MMD2: variants seen among roughly 807,000 people sequenced by gnomAD.
MMD2 encodes the protein monocyte to macrophage differentiation associated 2.
In MMD2, 30 loss-of-function variants were observed where a neutral mutation model predicts 33.5. That is an observed-to-expected ratio of 0.90 (90% CI 0.67 to 1.22). The LOEUF (loss-of-function observed/expected upper bound fraction) is 1.22, where lower values mean the gene tolerates loss of function less well. MMD2 is among the 50% of genes most tolerant of loss of function. The probability of loss-of-function intolerance (pLI) is 0.00; values close to 1 mark genes in which losing one functional copy is unlikely to be tolerated. For synonymous variants in MMD2, 129 were observed against 123.0 expected, an observed-to-expected ratio of 1.05 and a Z score of -0.32; for missense variants, 364 against 325.4, an observed-to-expected ratio of 1.12 and a Z score of -0.91.
rs550649133 is a variant in MMD2, at chr7:4,939,197, G to A, written c.48-13665C>T. On this transcript the variant is annotated intron_variant, in intron 1 of 6. Transcript: ENST00000401401. The stretch of plus-strand genomic sequence containing the variant: ...AGCCTGGGTGACAGGGCGAGACTCC[G>A]TCTCAAAAAAAAACCCAAAAAAAAC... Among the ~76,000 whole-genome samples the A allele has an allele frequency of 6.0e-5, 9 of 150,942 alleles. No homozygotes were observed. The South Asian group carries it at 6.3e-4, about 11-fold the overall frequency.
At chr7:4,899,130 G>A in the MMD2 span, among the ~76,000 whole-genome samples, 6 of 152,142 alleles carry the variant, frequency 3.9e-5, no homozygotes, top group African/African-American at 1.4e-4. Flanking sequence ...AGGACACAAT[G>A]AGAAAACACC....
intron 1 of MMD2, among the ~76,000 whole-genome samples, chr7:4,957,880 A>T (rs1280878392): frequency 6.6e-6 from 1 of 152,160 alleles, no homozygotes; most frequent in Non-Finnish European, 1.5e-5. Flanking sequence ...ACACCATCCT[A>T]GCCCTGAGCT....
chr7:4,955,354 G>T (rs1032314310), intron 1 of MMD2, among the ~76,000 whole-genome samples: 2 of 152,148 alleles, frequency 1.3e-5, no homozygotes, highest in Non-Finnish European at 2.9e-5. Flanking sequence ...AACCTAGGGG[G>T]TTAGCTGGCC....
chr7:4,930,598 C>A, intron 1 of MMD2, among the ~76,000 whole-genome samples: 1 of 148,330 alleles, frequency 6.7e-6, no homozygotes, highest in Non-Finnish European at 1.5e-5. Context: ...GAGCCAAGAT[C>A]GTGCCACTGC....
rs180902883 is a variant in MMD2, at chr7:4,957,460, A to C, written c.47+1511T>G. 3.2e-4 allele frequency among the ~76,000 whole-genome samples: 18 copies of C among 56,996 alleles called. No homozygotes were observed. In the East Asian group the frequency reaches 0.29, roughly 905 times the overall value. 37.4% of individuals were successfully genotyped at this position (56,996 alleles called of 152,430 possible). On this transcript the variant is annotated intron_variant, in intron 1 of 6. Coordinates refer to ENST00000401401, the MANE Select transcript of MMD2 (RefSeq NM_198403.4). ...TCAAGAGATTGAGACCATCCTGGCT[A>C]ACGCGGTGAAACCCCAGTCTCTACT...
chr7:4,951,639 A>C (rs1336841219), intron 1 of MMD2, among the ~76,000 whole-genome samples: 1 of 152,090 alleles, frequency 6.6e-6, no homozygotes, highest in African/African-American at 2.4e-5. Flanking sequence ...TCCCTCTGTC[A>C]CCCAGGCTGG....
At position 4,916,027 on chromosome 7, in the gene MMD2, T is replaced by A. The variant is rs1356636782; in HGVS notation, c.343A>T (p.Ile115Leu). 1 of 1,613,760 alleles carries A rather than the reference T, an allele frequency of 6.2e-7. No individual in the cohort carries two copies. The highest frequency in any genetic ancestry group is 2.2e-5 in the East Asian group (1 of 44,874). The change falls in exon 4 of 7, where the codon ATA becomes TTA. Residue 115 changes from isoleucine (I) to leucine (L), a missense_variant. Physicochemically the swap from Ile to Leu is conservative, Grantham distance 5. Transcript: ENST00000401401. ...MFDRMVIYFF[I>L]AASYAPWLNL... ...CACCAGGGTGCGTAGGAAGCCGCTA[T>A]GAAGAAATAGATGACCATCCGGTCG...
chr7:4,927,304 A>C (rs1178184680), intron 1 of MMD2, among the ~76,000 whole-genome samples: 1 of 151,992 alleles, frequency 6.6e-6, no homozygotes, highest in African/African-American at 2.4e-5. Flanking sequence ...CAGCACTTTA[A>C]GAGGCCGAGG....
chr7:4,954,123 C>T (rs1477341881), intron 1 of MMD2, among the ~76,000 whole-genome samples: 1 of 152,148 alleles, frequency 6.6e-6, no homozygotes, highest in Non-Finnish European at 1.5e-5. Flanking sequence ...TCAGCCACTG[C>T]ACCCAGACAG....
chr7:4,899,309 A>C, the MMD2 span, among the ~76,000 whole-genome samples: 2 of 152,226 alleles, frequency 1.3e-5, no homozygotes, highest in Non-Finnish European at 2.9e-5. Flanking sequence ...AGGACAGGAT[A>C]GGATAGGATA....
the MMD2 span, among the ~76,000 whole-genome samples, chr7:4,894,896 T>C: frequency 2.7e-4 from 41 of 152,144 alleles, no homozygotes; most frequent in African/African-American, 9.2e-4. The surrounding 1 kb of genome is among the most constrained non-coding windows in gnomAD (Gnocchi z 4.3). Context: ...TATTGGGTGA[T>C]GGATGTGGCT....
chr7:4,956,995 G>A (rs923430740), intron 1 of MMD2, among the ~76,000 whole-genome samples: 3 of 151,594 alleles, frequency 2.0e-5, no homozygotes, highest in African/African-American at 2.4e-5. Context: ...GCAAGACCCC[G>A]CCTCTATTAA....
At chr7:4,947,439 G>T (rs1786118759) in intron 1 of MMD2, among the ~76,000 whole-genome samples, 1 of 151,352 alleles carries the variant, frequency 6.6e-6, no homozygotes, top group Admixed American at 6.6e-5. Context: ...TGTTGCACAG[G>T]CTGGAGTGCA....
chr7:4,892,460 T>C, the MMD2 span, among the ~76,000 whole-genome samples: 1 of 151,424 alleles, frequency 6.6e-6, no homozygotes, highest in Non-Finnish European at 1.5e-5. Flanking sequence ...TGGTGGTGGG[T>C]GCCTGTAGTC....
At chr7:4,939,532 G>T (rs773618922) in intron 1 of MMD2, among the ~76,000 whole-genome samples, 1 of 152,068 alleles carries the variant, frequency 6.6e-6, no homozygotes, top group Non-Finnish European at 1.5e-5. Context: ...GACAGAGAGA[G>T]ACCTAGTCTC....
At chr7:4,954,841 A>T (rs1786342078) in intron 1 of MMD2, among the ~76,000 whole-genome samples, 1 of 152,156 alleles carries the variant, frequency 6.6e-6, no homozygotes, top group Non-Finnish European at 1.5e-5. Context: ...CAAAGTTTTC[A>T]ACTTTTTAAT....
intron 5 of MMD2, chr7:4,910,165 G>T (rs1004904752): frequency 2.0e-6 from 2 of 1,023,530 alleles, no homozygotes; most frequent in Non-Finnish European, 2.8e-6. Context: ...CCCTCCCTGA[G>T]ACTCACTTTC....
At chr7:4,898,160 C>G in the MMD2 span, among the ~76,000 whole-genome samples, 1 of 152,186 alleles carries the variant, frequency 6.6e-6, no homozygotes, top group East Asian at 1.9e-4. Flanking sequence ...TGGGCCATCA[C>G]AAAGACAAGA....
intron 1 of MMD2, among the ~76,000 whole-genome samples, chr7:4,935,918 C>T (rs992448562): frequency 3.8e-4 from 58 of 152,154 alleles, no homozygotes; most frequent in African/African-American, 1.4e-3. Flanking sequence ...GGCGCGATGG[C>T]TCATGCCTGC....
Sources: allele counts gnomAD v4.1 joint callset (sites outside exome capture counted in the v4.1 genomes callset), GRCh38; gene constraint gnomAD v4.1.1; non-coding constraint Gnocchi (gnomAD v3.1); transcripts MANE v1.5; gene names NCBI Gene and HGNC (gene_info 2026-07-23, HGNC 2026-07-21).